MYH11: variants seen among roughly 807,000 people sequenced by gnomAD.
The protein encoded by MYH11 is myosin-11.
Under a neutral mutation model 246.6 loss-of-function variants are expected in MYH11, and 80 were observed. The ratio of observed to expected loss-of-function variants is 0.32; its 90% CI spans 0.27 to 0.39. The LOEUF (loss-of-function observed/expected upper bound fraction) is 0.39. Ranked by LOEUF, MYH11 falls within the 10% of genes least tolerant of loss-of-function variation. The pLI, the probability that MYH11 is intolerant of heterozygous loss-of-function variation, is 1.00. For missense variants in MYH11, 2,158 were observed against 2,546.8 expected, an observed-to-expected ratio of 0.85 and a Z score of 3.29; for synonymous variants, 1,071 against 1,015.5, an observed-to-expected ratio of 1.05 and a Z score of -1.04.
At chr16:15,707,121 C>T (rs774232702) in intron 40 of MYH11, among the ~76,000 whole-genome samples, 4 of 152,148 alleles carry the variant, frequency 2.6e-5, no homozygotes, top group South Asian at 2.1e-4. Context: ...TCACTGCAGC[C>T]TCTGCCTCCC....
At chr16:15,736,565 C>G (rs1412566895) in intron 25 of MYH11, among the ~76,000 whole-genome samples, 1 of 152,198 alleles carries the variant, frequency 6.6e-6, no homozygotes, top group Non-Finnish European at 1.5e-5. Flanking sequence ...AGGCGTGAGC[C>G]ACTGCATCCA....
chr16:15,719,926 G>A (rs1173232790), intron 34 of MYH11, among the ~76,000 whole-genome samples: 3 of 152,160 alleles, frequency 2.0e-5, no homozygotes, highest in African/African-American at 7.2e-5. Flanking sequence ...GAGAAGCTGA[G>A]CCCCTGATGT....
chr16:15,856,353 A>C (rs1331101515), intron 1 of MYH11, among the ~76,000 whole-genome samples: 2 of 143,972 alleles, frequency 1.4e-5, no homozygotes, highest in East Asian at 2.2e-4. Flanking sequence ...AAACAACAAC[A>C]CTCCTTTCTG....
chr16:15,790,991 C>G (rs1194791787), intron 4 of MYH11: 1 of 123,170 alleles, frequency 8.1e-6, no homozygotes, highest in African/African-American at 3.1e-5. Context: ...GACTCTTGCT[C>G]TATTGCCCAG....
At chr16:15,837,557 A>G (rs2043931392) in intron 2 of MYH11, among the ~76,000 whole-genome samples, 2 of 104,380 alleles carry the variant, frequency 1.9e-5, no homozygotes, top group African/African-American at 3.5e-5. Flanking sequence ...TTTTTTTGAG[A>G]CAGAGTCTTA....
chr16:15,834,223 C>T (rs1325749598), intron 2 of MYH11, among the ~76,000 whole-genome samples: 1 of 152,036 alleles, frequency 6.6e-6, no homozygotes, highest in African/African-American at 2.4e-5. Flanking sequence ...AGACGGGCCT[C>T]TTTAGAAATA....
intron 1 of MYH11, among the ~76,000 whole-genome samples, chr16:15,856,407 C>T (rs918421796): frequency 6.6e-6 from 1 of 151,536 alleles, no homozygotes; most frequent in South Asian, 2.1e-4. Flanking sequence ...AATGCATTAT[C>T]AACACAACTG....
intron 22 of MYH11, 115 bp from the exon 23 acceptor site, chr16:15,740,303 C>G (rs1202449229): frequency 6.6e-7 from 1 of 1,512,644 alleles, no homozygotes; most frequent in African/African-American, 1.4e-5. Flanking sequence ...AACTCTGTAG[C>G]CTCCTAAAAG....
At chr16:15,769,217 C>G (rs4444362) in intron 9 of MYH11, among the ~76,000 whole-genome samples, 114,623 of 151,680 alleles carry the variant, frequency 0.76, 43,823 homozygotes, top group East Asian at 0.97. Flanking sequence ...CCAGGAGGCT[C>G]AGCCAAGAGA....
intron 2 of MYH11, among the ~76,000 whole-genome samples, chr16:15,828,690 G>A (rs1473169506): frequency 6.6e-6 from 1 of 151,700 alleles, no homozygotes; most frequent in Non-Finnish European, 1.5e-5. Flanking sequence ...CTAGTCGGGA[G>A]GCCGAGGTAG....
chr16:15,717,179 T>G lies in MYH11; in HGVS notation c.5465A>C (p.Lys1822Thr). 1 of 1,614,198 alleles carries G rather than the reference T, an allele frequency of 6.2e-7. No homozygotes were observed. Among genetic ancestry groups the G allele is most frequent in the South Asian group, 1.1e-5 (1 of 91,080 alleles). ...GACCTGCTCCTCCAGCTGTGCAATC[T>G]TGGCCTCCAGCGCCGCGATGGTGGA... The part of the protein sequence containing the change: ...FKSTIAALEA[K>T]IAQLEEQVEQ... Residue 1822 changes from lysine (K) to threonine (T), a missense_variant, in exon 38 of 41, where the codon AAG (lysine) becomes ACG (threonine). This residue lies in a region of MYH11 where 1,013 missense variants were observed against 993.5 expected (regional missense o/e 1.02). Coordinates refer to ENST00000300036, the MANE Select transcript of MYH11 (RefSeq NM_002474.3).
In MYH11 at chr16:15,823,363, G is replaced by A. The variant is rs776152745; in HGVS notation, c.394C>T (p.Pro132Ser). The change falls in exon 3 of 41, where the codon CCC becomes TCC. Residue 132 changes from proline to serine, a missense_variant. Transcript: ENST00000300036. ...TCGACGATCTTCTCCGAGTAGATGG[G>A]CAGGTGTTTATAGGGGTTGACCACC... ...CVVVNPYKHL[P>S]IYSEKIVDMY... The A allele has an allele frequency of 1.2e-6, 2 of 1,614,180 alleles. No individual in the cohort carries two copies. The highest frequency in any genetic ancestry group is 4.5e-5 in the East Asian group (2 of 44,878).
rs149964928 is a variant in MYH11 at position 15,771,667 on chromosome 16, T to C, written c.935A>G (p.Asn312Ser). 4.0e-5 allele frequency: 64 copies of C among 1,613,960 alleles called. No individual in the cohort carries two copies. Among genetic ancestry groups the C allele is most frequent in the Non-Finnish European group, 4.6e-5 (54 of 1,180,026 alleles). Residue 312 changes from asparagine (N) to serine (S), a missense_variant, in exon 9 of 41, where the codon AAT becomes AGT. Asn to Ser is a conservative substitution (Grantham distance 46). Around this residue, in one of 11 missense-constraint regions of MYH11, gnomAD observed 75 missense variants for 70.0 expected, o/e 1.07. Coordinates refer to ENST00000300036, the MANE Select transcript of MYH11 (RefSeq NM_002474.3). ...EGFNNYTFLS[N>S]GFVPIPAAQD... ...GGCTGCTGGGATGGGCACAAAGCCA[T>C]TGGAGAGGAAGGTGTAGTTGTTGAA...
intron 2 of MYH11, among the ~76,000 whole-genome samples, chr16:15,831,928 A>G: frequency 6.6e-6 from 1 of 150,558 alleles, no homozygotes. Context: ...ACAGAGCGAG[A>G]CTCCATGTTA....
At chr16:15,710,688 G>GT (rs202074294) in intron 40 of MYH11, among the ~76,000 whole-genome samples, 3,193 of 147,488 alleles carry the variant, frequency 0.022, 40 homozygotes, top group African/African-American at 0.032. Flanking sequence ...TTTGTTTTTT[G>GT]TTTTTTTTTT....
chr16:15,704,347 T>C (rs750533405), intron 40 of MYH11, among the ~76,000 whole-genome samples: 6 of 152,122 alleles, frequency 3.9e-5, no homozygotes, highest in Non-Finnish European at 7.3e-5. Context: ...TCAGCTGAAA[T>C]TGGTTGCGGG....
At chr16:15,855,704 CTCTAT>C (rs781526589) in intron 1 of MYH11, among the ~76,000 whole-genome samples, 3 of 152,324 alleles carry the variant, frequency 2.0e-5, no homozygotes. Flanking sequence ...AAACAAAATT[CTCTAT>C]CTTATTTCAC....
chr16:15,759,414 G>A (rs1567735730), intron 12 of MYH11, among the ~76,000 whole-genome samples, 162 bp downstream of exon 12: 2 of 151,950 alleles, frequency 1.3e-5, no homozygotes, highest in Admixed American at 1.3e-4. Flanking sequence ...ATTTCCTGTT[G>A]GATTTCTGTC....
In MYH11 at chr16:15,747,662, G is replaced by A. The variant is rs763625795; in HGVS notation, c.2319C>T (p.Gly773=). ...IGQSKIFFRT[G]VLAHLEEERD... is the part of the protein sequence containing the mutation. ...GCTCCTCCTCTAGGTGGGCCAGGAC[G>A]CCAGTTCGGAAGAAGATTTTGCTCT... Residue 773 remains glycine, a synonymous_variant, in exon 19 of 41, where the codon GGC becomes GGT. Coordinates refer to ENST00000300036, the MANE Select transcript of MYH11 (RefSeq NM_002474.3). 5.6e-6 allele frequency: 9 copies of A among 1,614,124 alleles called. No homozygotes were observed. The highest frequency in any genetic ancestry group is 2.2e-5 in the South Asian group (2 of 91,068).
Sources: allele counts gnomAD v4.1 joint callset (sites outside exome capture counted in the v4.1 genomes callset), GRCh38; gene constraint gnomAD v4.1.1; regional missense constraint gnomAD v4.1.1; transcripts MANE v1.5; gene names NCBI Gene and HGNC (gene_info 2026-07-23, HGNC 2026-07-21).